Variants in METTL16 observed in about 807,000 individuals in gnomAD.
METTL16 encodes the protein methyltransferase 16, RNA N6-adenosine.
In METTL16, 19 loss-of-function variants were observed where a neutral mutation model predicts 57.9. The ratio of observed to expected loss-of-function variants is 0.33; its 90% CI spans 0.23 to 0.48. The LOEUF is 0.48. Ranked by LOEUF, METTL16 falls within the 20% of genes least tolerant of loss-of-function variation. The pLI, the probability that METTL16 is intolerant of heterozygous loss-of-function variation, is 0.99. For synonymous variants in METTL16, 246 were observed against 255.6 expected (o/e 0.96, Z 0.36); for missense variants, 434 against 691.5 (o/e 0.63, Z 4.18).
At chr17:2,497,305 CTTTTTTTTT>C (rs781130501) in intron 2 of METTL16, among the ~76,000 whole-genome samples, 1 of 63,788 alleles carries the variant, frequency 1.6e-5, no homozygotes, top group African/African-American at 7.0e-5. Flanking sequence ...TGCACCCGGC[CTTTTTTTTT>C]TTTTTTTTTT....
At position 2,464,079 on chromosome 17, in the gene METTL16, C is replaced by T. The variant is rs757600831; in HGVS notation, c.728+129G>A. ...CAGAGGTTGCAGTGAGCTGAGATCA[C>T]GCCACTGCACTCCAGCCTGGCAACA... On this transcript the variant is annotated intron_variant, in intron 6 of 9. Coordinates refer to ENST00000263092, the MANE Select transcript of METTL16 (RefSeq NM_024086.4). 8.9e-5 allele frequency: 82 copies of T among 916,448 alleles called. 1 individual carries two copies. Among genetic ancestry groups the T allele is most frequent in the Non-Finnish European group, 1.2e-4 (73 of 622,242 alleles). The allele number at this position is 916,448 out of a possible 1,614,324, so 56.8% of individuals were successfully genotyped here.
At chr17:2,450,253 T>C in intron 6 of METTL16, among the ~76,000 whole-genome samples, 1 of 152,220 alleles carries the variant, frequency 6.6e-6, no homozygotes, top group East Asian at 1.9e-4. Flanking sequence ...ATGAACGAAC[T>C]GTGGTATACT....
intron 8 of METTL16, among the ~76,000 whole-genome samples, chr17:2,437,601 GAGTGC>G (rs2151548464): frequency 1.3e-5 from 2 of 151,996 alleles, no homozygotes; most frequent in African/African-American, 4.8e-5. Context: ...GCCCAGGCTG[GAGTGC>G]AGTGGCACAA....
At chr17:2,504,858 C>G (rs2067518564) in intron 1 of METTL16, among the ~76,000 whole-genome samples, 1 of 152,176 alleles carries the variant, frequency 6.6e-6, no homozygotes, top group Non-Finnish European at 1.5e-5. Context: ...AGACATGAAC[C>G]ATCACACCCA....
intron 4 of METTL16, among the ~76,000 whole-genome samples, chr17:2,468,263 A>C (rs1212852153): frequency 6.6e-6 from 1 of 152,208 alleles, no homozygotes; most frequent in Non-Finnish European, 1.5e-5. Flanking sequence ...GTATGTCCTC[A>C]AACTCTTCGA....
At chr17:2,488,662 C>T (rs531551251) in intron 2 of METTL16, among the ~76,000 whole-genome samples, 36 of 152,134 alleles carry the variant, frequency 2.4e-4, no homozygotes, top group African/African-American at 8.7e-4. Context: ...GTGAAATAAG[C>T]GAGTCAAAAA....
chr17:2,484,558 A>G (rs951234526), intron 2 of METTL16, among the ~76,000 whole-genome samples: 1 of 151,682 alleles, frequency 6.6e-6, no homozygotes, highest in Non-Finnish European at 1.5e-5. Flanking sequence ...TCAATGGCGC[A>G]ATATCAGCTC....
At chr17:2,482,551 A>T (rs1416545584) in intron 2 of METTL16, among the ~76,000 whole-genome samples, 1 of 152,216 alleles carries the variant, frequency 6.6e-6, no homozygotes, top group Non-Finnish European at 1.5e-5. Flanking sequence ...TTTTATACAC[A>T]GGGTCAAAAG....
intron 6 of METTL16, among the ~76,000 whole-genome samples, chr17:2,457,490 T>A (rs917669951): frequency 1.3e-5 from 2 of 152,006 alleles, no homozygotes; most frequent in African/African-American, 4.8e-5. Context: ...GCGGATAACC[T>A]GAGGTCAGGA....
At chr17:2,469,401 G>A (rs1175598800) in intron 4 of METTL16, among the ~76,000 whole-genome samples, 1 of 152,010 alleles carries the variant, frequency 6.6e-6, no homozygotes, top group Non-Finnish European at 1.5e-5. Context: ...CTTTCATAAA[G>A]AGACATAAAA....
chr17:2,495,364 G>T (rs367764846), intron 2 of METTL16, among the ~76,000 whole-genome samples: 3 of 152,000 alleles, frequency 2.0e-5, no homozygotes. Flanking sequence ...ATTTGGGATT[G>T]ATGAGAGGAG....
At chr17:2,430,412 CTTT>C (rs903960118) in intron 8 of METTL16, among the ~76,000 whole-genome samples, 1,657 of 118,230 alleles carry the variant, frequency 0.014, 13 homozygotes, top group African/African-American at 0.051. Context: ...TTAGAATTCT[CTTT>C]TTTTTTTTTT....
At chr17:2,433,013 A>G (rs2066884773) in intron 8 of METTL16, among the ~76,000 whole-genome samples, 1 of 152,224 alleles carries the variant, frequency 6.6e-6, no homozygotes, top group South Asian at 2.1e-4. Flanking sequence ...GGTGTTATCC[A>G]CAGTACCTCA....
At chr17:2,463,881 C>T (rs1422073651) in intron 6 of METTL16, among the ~76,000 whole-genome samples, 5 of 151,742 alleles carry the variant, frequency 3.3e-5, no homozygotes, top group African/African-American at 1.2e-4. Context: ...AATTCCAGCA[C>T]TTTGGGAGGT....
At chr17:2,430,510 G>A (rs1313072450) in intron 8 of METTL16, among the ~76,000 whole-genome samples, 7 of 149,038 alleles carry the variant, frequency 4.7e-5, no homozygotes, top group African/African-American at 1.7e-4. Context: ...CCGCCTCCCG[G>A]GTTCACGCCA....
At chr17:2,447,665 G>A (rs1225536723) in intron 6 of METTL16, among the ~76,000 whole-genome samples, 137 of 130,266 alleles carry the variant, frequency 1.1e-3, no homozygotes, top group Admixed American at 2.4e-3. Context: ...GAAGTGAGGA[G>A]CCCCTCTGCC....
chr17:2,465,436 A>G (rs545366005), intron 5 of METTL16, among the ~76,000 whole-genome samples: 1 of 150,694 alleles, frequency 6.6e-6, no homozygotes, highest in South Asian at 2.1e-4. Flanking sequence ...AGTCCCAGCT[A>G]CTCGGGGGGC....
At chr17:2,479,778 C>A (rs2067291568) in intron 2 of METTL16, among the ~76,000 whole-genome samples, 1 of 152,238 alleles carries the variant, frequency 6.6e-6, no homozygotes, top group Non-Finnish European at 1.5e-5. Context: ...CTCCCCACAG[C>A]AAAAATGTTC....
chr17:2,482,709 C>A (rs995275050), intron 2 of METTL16, among the ~76,000 whole-genome samples: 1 of 152,308 alleles, frequency 6.6e-6, no homozygotes, highest in East Asian at 1.9e-4. Flanking sequence ...GAGCTTGAGA[C>A]CAGCCTGGGC....
Sources: allele counts gnomAD v4.1 joint callset (sites outside exome capture counted in the v4.1 genomes callset), GRCh38; gene constraint gnomAD v4.1.1; transcripts MANE v1.5; gene names NCBI Gene and HGNC (gene_info 2026-07-23, HGNC 2026-07-21).